The following PRR16 variants were observed in gnomAD, a reference collection of about 807,000 sequenced individuals.
PRR16 encodes proline rich 16.
A neutral mutation model predicts 18.2 loss-of-function variants in PRR16; 6 were observed. That is an observed-to-expected ratio of 0.33 (90% CI 0.18 to 0.65). The LOEUF (loss-of-function observed/expected upper bound fraction) is 0.65. Among genes scored for constraint, PRR16 ranks in the 30% least tolerant of loss-of-function variants. The pLI, the probability that PRR16 is intolerant of heterozygous loss-of-function variation, is 0.74. For missense variants in PRR16, 412 were observed against 376.6 expected (o/e 1.09, Z -0.78); for synonymous variants, 151 against 147.8 (o/e 1.02, Z -0.16).
chr5:120,506,114 A>G (rs1329595906), intron 1 of PRR16, among the ~76,000 whole-genome samples: 1 of 151,992 alleles, frequency 6.6e-6, no homozygotes, highest in Non-Finnish European at 1.5e-5. Context: ...ATGATGCTTT[A>G]CAAATAAACA....
At position 120,464,610 on chromosome 5, in the gene PRR16, G is replaced by A; in HGVS notation, c.124G>A (p.Gly42Ser). ...IIVEDLELVLGDLKDVAKELK... is the reference protein window; with the variant it reads ...IIVEDLELVLSDLKDVAKELK... Reference sequence around the variant, plus strand: ...CGTGGAGGATTTGGAATTAGTCCTGGGCGACCTGAAGGACGTGGCCAAGGA... The same window carrying A: ...CGTGGAGGATTTGGAATTAGTCCTGAGCGACCTGAAGGACGTGGCCAAGGA... The change falls in exon 1 of 2, where the codon GGC becomes AGC. Residue 42 changes from glycine (G) to serine (S), a missense_variant. Coordinates refer to ENST00000407149, the MANE Select transcript of PRR16 (RefSeq NM_001300783.2). 1 of 1,577,224 alleles carries A rather than the reference G, an allele frequency of 6.3e-7. No homozygotes were observed. The highest frequency in any genetic ancestry group is 8.5e-7 in the Non-Finnish European group (1 of 1,169,600).
At chr5:120,536,556 CATATGTGAATGAATGAAGAGAAA>C (rs1339884891) in intron 1 of PRR16, among the ~76,000 whole-genome samples, 2 of 151,990 alleles carry the variant, frequency 1.3e-5, no homozygotes, top group African/African-American at 4.8e-5. Context: ...TTACACAAAA[CATATGTGAATGAATGAAGAGAAA>C]ACATGTTCAT....
the PRR16 span, among the ~76,000 whole-genome samples, chr5:120,717,014 G>A: frequency 6.6e-6 from 1 of 152,164 alleles, no homozygotes; most frequent in Non-Finnish European, 1.5e-5. Flanking sequence ...GAAGATGGAC[G>A]TGGCCCATAT....
chr5:120,545,961 A>C (rs1055963537), intron 1 of PRR16, among the ~76,000 whole-genome samples: 1 of 152,068 alleles, frequency 6.6e-6, no homozygotes, highest in Non-Finnish European at 1.5e-5. Flanking sequence ...TGGTTAGGTG[A>C]TGGTATGGCC....
At chr5:120,608,671 T>G (rs189360570) in intron 1 of PRR16, among the ~76,000 whole-genome samples, 1 of 152,316 alleles carries the variant, frequency 6.6e-6, no homozygotes, top group Admixed American at 6.5e-5. Flanking sequence ...TTTTTCTAAC[T>G]TATTTTCAAC....
the PRR16 span, among the ~76,000 whole-genome samples, chr5:120,731,365 A>G: frequency 6.6e-6 from 1 of 152,180 alleles, no homozygotes; most frequent in East Asian, 1.9e-4. Context: ...TTCAATTCCA[A>G]TAAAATTTGG....
chr5:120,645,005 T>C lies in PRR16; in HGVS notation c.160-40949T>C, dbSNP rs1015114715. On this transcript the variant is annotated intron_variant, in intron 1 of 1. Transcript: ENST00000407149. ...TTTATTCCTGTGCCTCTCTTCTGAC[T>C]AGATGCTTTGCCAACGTTTGTATCT... is the stretch of plus-strand genomic sequence containing the variant. Among the ~76,000 whole-genome samples the C allele has an allele frequency of 2.0e-5, 3 of 152,260 alleles. No homozygotes were observed. The South Asian group carries it at 6.2e-4, about 32-fold the overall frequency.
chr5:120,494,076 C>T (rs1750158484), intron 1 of PRR16, among the ~76,000 whole-genome samples: 1 of 152,102 alleles, frequency 6.6e-6, no homozygotes, highest in African/African-American at 2.4e-5. Flanking sequence ...GGATCAAATG[C>T]CAGTTACATG....
intron 1 of PRR16, among the ~76,000 whole-genome samples, chr5:120,548,081 A>G (rs7702141): frequency 0.48 from 73,325 of 151,868 alleles, 18,062 homozygotes; most frequent in Middle Eastern, 0.55. Context: ...AGGACAGTAG[A>G]AAGTGTTTTT....
the PRR16 span, among the ~76,000 whole-genome samples, chr5:120,696,857 G>A: frequency 1.3e-5 from 2 of 152,148 alleles, no homozygotes; most frequent in African/African-American, 4.8e-5. Flanking sequence ...ATTCCACAAT[G>A]TATACATATT....
intron 1 of PRR16, among the ~76,000 whole-genome samples, chr5:120,491,043 T>G (rs971119131): frequency 2.0e-5 from 3 of 152,176 alleles, no homozygotes; most frequent in Non-Finnish European, 4.4e-5. Context: ...CCCGGCCGTG[T>G]GAGGTATCAG....
intron 1 of PRR16, among the ~76,000 whole-genome samples, chr5:120,645,492 G>A (rs1755560787): frequency 6.6e-6 from 1 of 151,540 alleles, no homozygotes; most frequent in African/African-American, 2.4e-5. Flanking sequence ...GCTATTAGGG[G>A]CAAAAGTCAT....
Position 120,686,854 on chromosome 5 carries a change from A to T in PRR16, c.*145A>T, listed in dbSNP as rs1757145088. ...GTGGCATAAAAATCACCTGGTAAGT[A>T]TGCAGCACATTGCTTATATCCTGGG... On this transcript the variant is annotated 3_prime_UTR_variant, in exon 2 of 2. Transcript: ENST00000407149. 1 of 551,272 alleles carries T rather than the reference A, an allele frequency of 1.8e-6. No homozygotes were observed. The highest frequency in any genetic ancestry group is 3.8e-5 in the Admixed American group (1 of 26,610). 34.1% of individuals were successfully genotyped at this position (551,272 alleles called of 1,614,324 possible).
chr5:120,752,207 T>A, the PRR16 span, among the ~76,000 whole-genome samples: 1 of 152,024 alleles, frequency 6.6e-6, no homozygotes, highest in Non-Finnish European at 1.5e-5. Context: ...CACTGCCTAC[T>A]CCAGGGAAAT....
intron 1 of PRR16, among the ~76,000 whole-genome samples, chr5:120,526,823 T>C (rs1234350437): frequency 1.3e-5 from 2 of 152,120 alleles, no homozygotes; most frequent in African/African-American, 4.8e-5. Context: ...GGTCTCAATC[T>C]CCTGACCTGC....
At chr5:120,485,806 G>A (rs970135543) in intron 1 of PRR16, among the ~76,000 whole-genome samples, 33 of 151,884 alleles carry the variant, frequency 2.2e-4, no homozygotes, top group African/African-American at 7.5e-4. Flanking sequence ...TGCCTCCCCC[G>A]ACCCCACAAC....
At chr5:120,667,235 T>TA (rs1756416256) in intron 1 of PRR16, among the ~76,000 whole-genome samples, 1 of 151,710 alleles carries the variant, frequency 6.6e-6, no homozygotes, top group Non-Finnish European at 1.5e-5. Flanking sequence ...TTCTAGTTTA[T>TA]TTGCGTAGAG....
At chr5:120,724,221 T>C in the PRR16 span, among the ~76,000 whole-genome samples, 1 of 152,226 alleles carries the variant, frequency 6.6e-6, no homozygotes, top group East Asian at 1.9e-4. Context: ...AATTTATTAA[T>C]TAATTTGGGA....
At chr5:120,581,640 T>A (rs1753276500) in intron 1 of PRR16, among the ~76,000 whole-genome samples, 1 of 152,282 alleles carries the variant, frequency 6.6e-6, no homozygotes, top group Non-Finnish European at 1.5e-5. Context: ...TTTCTAGCTG[T>A]TTGATATGGG....
Sources: gnomAD v4.1 joint callset for allele counts (sites outside exome capture counted in the v4.1 genomes callset) on GRCh38, gnomAD v4.1.1 for gene constraint, MANE v1.5 for transcripts, NCBI Gene and HGNC (gene_info 2026-07-23, HGNC 2026-07-21) for gene names.